Variants in COLEC11 observed in about 807,000 individuals in gnomAD.
The protein encoded by COLEC11 is collectin subfamily member 11, also known as collectin-11.
COLEC11 carries 20 observed loss-of-function variants against 27.3 expected under a neutral mutation model. The ratio of observed to expected loss-of-function variants is 0.73; its 90% confidence interval spans 0.51 to 1.06. COLEC11 has a LOEUF of 1.06. Ranked by LOEUF, COLEC11 falls within the 50% of genes least tolerant of loss-of-function variation. The pLI is 0.00. For missense variants in COLEC11, 310 were observed against 383.0 expected (o/e 0.81, Z 1.59); for synonymous variants, 163 against 154.7 (o/e 1.05, Z -0.40).
At chr2:3,638,195 A>G (rs1293155432) in intron 4 of COLEC11, among the ~76,000 whole-genome samples, 1 of 152,238 alleles carries the variant, frequency 6.6e-6, no homozygotes, top group Non-Finnish European at 1.5e-5. Context: ...TCCCGTGATG[A>G]GAGACTGAGG....
intron 4 of COLEC11, among the ~76,000 whole-genome samples, chr2:3,638,262 G>A (rs187130326): frequency 3.3e-5 from 5 of 151,274 alleles, no homozygotes; most frequent in South Asian, 4.1e-4. Context: ...CCCGCCCCCC[G>A]CCATCTGGTC....
chr2:3,600,729 TAGACCTCGTC>T (rs567838276), intron 1 of COLEC11, among the ~76,000 whole-genome samples: 1 of 152,326 alleles, frequency 6.6e-6, no homozygotes, highest in East Asian at 1.9e-4. Context: ...GCTGTGTGGT[TAGACCTCGTC>T]ATTGTGTAGT....
chr2:3,612,422 A>G (rs1452700946), intron 2 of COLEC11, among the ~76,000 whole-genome samples: 2 of 152,186 alleles, frequency 1.3e-5, no homozygotes, highest in Admixed American at 6.5e-5. Context: ...CCGGAGAACC[A>G]GGTGAGAAGG....
intron 2 of COLEC11, among the ~76,000 whole-genome samples, chr2:3,609,326 T>C (rs1662991858): frequency 1.3e-5 from 2 of 150,562 alleles, no homozygotes; most frequent in South Asian, 2.1e-4. Context: ...GTGCCTCCAG[T>C]TGTTACTATG....
intron 3 of COLEC11, among the ~76,000 whole-genome samples, chr2:3,625,445 G>A (rs1227522251): frequency 3.3e-5 from 5 of 151,900 alleles, no homozygotes; most frequent in Non-Finnish European, 5.9e-5. Context: ...CACTCGGGAG[G>A]CTACTCGTAA....
chr2:3,642,671 T>A (rs1396832288), intron 5 of COLEC11, among the ~76,000 whole-genome samples: 1 of 152,208 alleles, frequency 6.6e-6, no homozygotes, highest in African/African-American at 2.4e-5. Flanking sequence ...TCCCTCCACA[T>A]TCCTGCCGCA....
rs568184673 is a variant in COLEC11 at position 3,600,162 on chromosome 2, G to A, written c.-26-4153G>A. ...AGGCGGGAGAATGGCGTGAACCCGG[G>A]AGGCAGAGCTTGCAGTGAGCTGAGA... On this transcript the variant is annotated intron_variant, in intron 1 of 6. Coordinates refer to ENST00000349077, the MANE Select transcript of COLEC11 (RefSeq NM_024027.5). Among the ~76,000 whole-genome samples the A allele has an allele frequency of 1.1e-4, 16 of 151,338 alleles. No individual in the cohort carries two copies. In the East Asian group the frequency reaches 2.5e-3, roughly 24 times the overall value.
chr2:3,619,920 C>T (rs1364524579), intron 3 of COLEC11, among the ~76,000 whole-genome samples: 2 of 152,332 alleles, frequency 1.3e-5, no homozygotes, highest in African/African-American at 4.8e-5. Flanking sequence ...GCCACCGCTC[C>T]CGGCCGTGTA....
At chr2:3,643,414 G>A (rs775506015) in intron 5 of COLEC11, 30 bp from the exon 6 acceptor site, 130 of 1,581,718 alleles carry the variant, frequency 8.2e-5, no homozygotes, top group Admixed American at 4.7e-4. Context: ...CTCATCCAGC[G>A]TTTGTAACGC....
At chr2:3,639,764 A>AG (rs56845664) in intron 4 of COLEC11, among the ~76,000 whole-genome samples, 28,004 of 152,162 alleles carry the variant, frequency 0.18, 7,916 homozygotes, top group African/African-American at 0.61. Context: ...GATGGAGCCC[A>AG]GGCTCCTGGC....
intron 3 of COLEC11, among the ~76,000 whole-genome samples, chr2:3,616,712 C>T (rs1051274320): frequency 8.5e-5 from 13 of 152,148 alleles, no homozygotes; most frequent in African/African-American, 3.1e-4. Flanking sequence ...GGCAGCAGTA[C>T]AGTCCAGCTT....
intron 3 of COLEC11, among the ~76,000 whole-genome samples, chr2:3,633,275 C>T (rs893820020): frequency 2.6e-5 from 4 of 152,194 alleles, no homozygotes; most frequent in South Asian, 2.1e-4. Flanking sequence ...CTCCCATCTT[C>T]GGGAAAGACT....
At chr2:3,611,018 C>T (rs1052424856) in intron 2 of COLEC11, among the ~76,000 whole-genome samples, 17 of 152,254 alleles carry the variant, frequency 1.1e-4, no homozygotes, top group East Asian at 7.7e-4. Context: ...TGATTTTCCC[C>T]GTGTGGTTCT....
chr2:3,608,986 A>G (rs530385126), intron 2 of COLEC11, among the ~76,000 whole-genome samples: 153 of 152,352 alleles, frequency 1.0e-3, no homozygotes, highest in African/African-American at 3.3e-3. Flanking sequence ...GGTTTTGCAC[A>G]GGAAGGAAAG....
intron 3 of COLEC11, among the ~76,000 whole-genome samples, chr2:3,624,393 AG>A (rs761724836): frequency 5.3e-5 from 8 of 152,218 alleles, no homozygotes; most frequent in Non-Finnish European, 1.0e-4. Context: ...AGCAATTATT[AG>A]GGTCCATAGC....
At chr2:3,642,031 C>T (rs557270493) in intron 5 of COLEC11, among the ~76,000 whole-genome samples, 39 of 152,312 alleles carry the variant, frequency 2.6e-4, no homozygotes, top group Non-Finnish European at 4.4e-4. Context: ...GGTTAGGGTC[C>T]GTCCAGGGAC....
chr2:3,601,606 CT>C (rs1381261889), intron 1 of COLEC11, among the ~76,000 whole-genome samples: 1 of 152,080 alleles, frequency 6.6e-6, no homozygotes, highest in Non-Finnish European at 1.5e-5. Flanking sequence ...TTTATAGTAC[CT>C]TTTTTCCCCC....
chr2:3,626,244 A>T (rs1664543211), intron 3 of COLEC11: 2 of 780,524 alleles, frequency 2.6e-6, no homozygotes, highest in African/African-American at 3.4e-5. Flanking sequence ...AGGGAGGAAT[A>T]TTGTTAGGCA....
In COLEC11 at chr2:3,643,342, G is replaced by A. The variant is rs1040284438; in HGVS notation, c.329-102G>A. ...GCGGCCTCAAAGGCCCGTGGGGCAC[G>A]TTTGTTGAGTAAAATGTGCATTTCC... On this transcript the variant is annotated intron_variant, in intron 5 of 6. Transcript: ENST00000349077. 2.2e-5 allele frequency: 22 copies of A among 990,382 alleles called. No homozygotes were observed. In the African/African-American group the frequency reaches 2.4e-4, roughly 11 times the overall value. 61.3% of individuals were successfully genotyped at this position (990,382 alleles called of 1,614,324 possible). A position where few individuals can be genotyped will look rare whatever the true frequency, so the allele number is the denominator to read the frequency against.
Sources: allele counts gnomAD v4.1 joint callset (sites outside exome capture counted in the v4.1 genomes callset), GRCh38; gene constraint gnomAD v4.1.1; transcripts MANE v1.5; gene names NCBI Gene and HGNC (gene_info 2026-07-23, HGNC 2026-07-21).